RANBP2: variants seen among roughly 807,000 people sequenced by gnomAD.
RANBP2 encodes RAN binding protein 2.
In RANBP2, 57 loss-of-function variants were observed where a neutral mutation model predicts 303.6. That is an observed-to-expected ratio of 0.19 (90% confidence interval 0.15 to 0.23). The LOEUF is 0.23. RANBP2 is among the 10% of genes least tolerant of loss of function. RANBP2 has a pLI of 1.00. For synonymous variants in RANBP2, 1,167 were observed against 1,301.5 expected, an observed-to-expected ratio of 0.90 and a Z score of 2.23; for missense variants, 3,138 against 3,780.8, an observed-to-expected ratio of 0.83 and a Z score of 4.46.
At chr2:109,492,282 C>T in the RANBP2 span, among the ~76,000 whole-genome samples, 4 of 152,206 alleles carry the variant, frequency 2.6e-5, no homozygotes, top group African/African-American at 7.2e-5. Context: ...CACAAATTAG[C>T]CGCAGGCGCA....
the RANBP2 span, chr2:109,614,903 G>A: frequency 4.8e-6 from 7 of 1,444,806 alleles, no homozygotes; most frequent in Non-Finnish European, 6.3e-6. Flanking sequence ...GCGAGGGAGA[G>A]CCCCCCGCCC....
the RANBP2 span, among the ~76,000 whole-genome samples, chr2:109,671,796 T>A: frequency 6.6e-6 from 1 of 152,010 alleles, no homozygotes; most frequent in Non-Finnish European, 1.5e-5. Flanking sequence ...GGGGTGTCTA[T>A]CTTTTTGCTT....
the RANBP2 span, among the ~76,000 whole-genome samples, chr2:109,250,942 G>A: frequency 1.7e-4 from 25 of 151,422 alleles, no homozygotes; most frequent in African/African-American, 5.8e-4. Context: ...CTAAATTAAC[G>A]TTGTTTAGGC....
At chr2:108,948,528 C>T in the RANBP2 span, among the ~76,000 whole-genome samples, 2 of 152,172 alleles carry the variant, frequency 1.3e-5, no homozygotes, top group African/African-American at 4.8e-5. Context: ...TTAATTGATT[C>T]ACAGTTCTGA....
chr2:109,647,004 C>T, the RANBP2 span, among the ~76,000 whole-genome samples: 1 of 151,924 alleles, frequency 6.6e-6, no homozygotes, highest in Non-Finnish European at 1.5e-5. Context: ...TTTTTAAAAT[C>T]GTGGAAGAAA....
At chr2:109,183,867 C>T in the RANBP2 span, among the ~76,000 whole-genome samples, 6,171 of 152,280 alleles carry the variant, frequency 0.041, 397 homozygotes, top group African/African-American at 0.14. Context: ...GCCATTCTCT[C>T]TAGGGCATTG....
the RANBP2 span, among the ~76,000 whole-genome samples, chr2:109,621,140 A>AGTTGTTGGTTTGTT: frequency 6.6e-6 from 1 of 152,080 alleles, no homozygotes. Flanking sequence ...GAATCATATA[A>AGTTGTTGGTTTGTT]GTTGTTGGTT....
the RANBP2 span, among the ~76,000 whole-genome samples, chr2:109,443,124 T>A: frequency 5.9e-5 from 9 of 152,276 alleles, no homozygotes; most frequent in Non-Finnish European, 1.3e-4. Context: ...GGTGAAATTG[T>A]GTGTGGCATG....
chr2:108,836,543 T>C, the RANBP2 span, among the ~76,000 whole-genome samples: 2 of 152,234 alleles, frequency 1.3e-5, no homozygotes, highest in African/African-American at 4.8e-5. Flanking sequence ...CTAGATCATT[T>C]GATAGTTCTA....
At chr2:108,995,739 C>T in the RANBP2 span, among the ~76,000 whole-genome samples, 1 of 152,226 alleles carries the variant, frequency 6.6e-6, no homozygotes, top group African/African-American at 2.4e-5. Flanking sequence ...AAAAGGCTGC[C>T]AACTCATCTG....
At chr2:108,958,499 T>C in the RANBP2 span, among the ~76,000 whole-genome samples, 1 of 151,596 alleles carries the variant, frequency 6.6e-6, no homozygotes, top group Non-Finnish European at 1.5e-5. Context: ...GTGCGTTTGT[T>C]CAGGCAGGGG....
At chr2:108,820,071 A>G in the RANBP2 span, among the ~76,000 whole-genome samples, 2 of 151,006 alleles carry the variant, frequency 1.3e-5, no homozygotes, top group Non-Finnish European at 2.9e-5. Flanking sequence ...AGCAGACTTC[A>G]TTACGCAGAA....
chr2:109,613,147 T>C, the RANBP2 span: 2 of 1,287,108 alleles, frequency 1.6e-6, no homozygotes, highest in African/African-American at 1.5e-5. Context: ...TACACGACCT[T>C]GGTACTATTA....
chr2:109,514,097 A>T, the RANBP2 span, among the ~76,000 whole-genome samples: 1 of 152,180 alleles, frequency 6.6e-6, no homozygotes, highest in Admixed American at 6.5e-5. Flanking sequence ...AAAGGCAGTA[A>T]GCCTGGTTTA....
the RANBP2 span, among the ~76,000 whole-genome samples, chr2:109,202,078 G>GGC: frequency 6.6e-6 from 1 of 151,596 alleles, no homozygotes; most frequent in Admixed American, 6.6e-5. Context: ...GCTGGCAGGA[G>GGC]GCACACAGCC....
At chr2:109,202,972 G>T in the RANBP2 span, among the ~76,000 whole-genome samples, 4 of 152,204 alleles carry the variant, frequency 2.6e-5, no homozygotes, top group Non-Finnish European at 4.4e-5. Flanking sequence ...TGTGCCTGAG[G>T]ATAACACTTG....
chr2:109,220,616 A>G, the RANBP2 span, among the ~76,000 whole-genome samples: 2 of 152,240 alleles, frequency 1.3e-5, no homozygotes, highest in African/African-American at 4.8e-5. Context: ...CAAGGTTTTC[A>G]GTAAACATTT....
chr2:109,638,855 T>A, the RANBP2 span, among the ~76,000 whole-genome samples: 3 of 152,324 alleles, frequency 2.0e-5, no homozygotes, highest in African/African-American at 7.2e-5. Context: ...GATTCTCTTG[T>A]AACACTCTCT....
chr2:108,759,668 A>C (rs1676583311), intron 18 of RANBP2, among the ~76,000 whole-genome samples: 1 of 151,812 alleles, frequency 6.6e-6, no homozygotes, highest in Admixed American at 6.5e-5. Context: ...AAATGTCATA[A>C]GTCATAGATA....
Sources: gnomAD v4.1 joint callset for allele counts (sites outside exome capture counted in the v4.1 genomes callset) on GRCh38, gnomAD v4.1.1 for gene constraint, MANE v1.5 for transcripts, NCBI Gene and HGNC (gene_info 2026-07-23, HGNC 2026-07-21) for gene names.